The following KIAA1586 variants were observed in gnomAD, a reference collection of about 807,000 sequenced individuals.
KIAA1586 encodes the protein KIAA1586, also known as E3 SUMO-protein ligase KIAA1586.
KIAA1586 carries 5 observed loss-of-function variants against 6.1 expected under a neutral mutation model. The ratio of observed to expected loss-of-function variants is 0.82; its 90% CI spans 0.43 to 1.73. The LOEUF is 1.73. Ranked by LOEUF, KIAA1586 falls within the 40% of genes most tolerant of loss-of-function variation. KIAA1586 has a pLI of 0.02. For synonymous variants in KIAA1586, 280 were observed against 301.7 expected, an observed-to-expected ratio of 0.93 and a Z score of 0.75; for missense variants, 899 against 878.2, an observed-to-expected ratio of 1.02 and a Z score of -0.30.
chr6:57,049,799 A>T (rs1828274520), intron 2 of KIAA1586, among the ~76,000 whole-genome samples: 1 of 152,160 alleles, frequency 6.6e-6, no homozygotes, highest in South Asian at 2.1e-4. Flanking sequence ...TGCCTACAGA[A>T]TAAAATCTAG....
downstream of KIAA1586, among the ~76,000 whole-genome samples, chr6:57,056,056 T>C (rs1479278234): frequency 6.6e-6 from 1 of 152,140 alleles, no homozygotes; most frequent in Non-Finnish European, 1.5e-5. Context: ...GAGATTCTTT[T>C]TTTTTTTCCC....
At chr6:57,063,416 T>A in the KIAA1586 span, among the ~76,000 whole-genome samples, 1 of 151,620 alleles carries the variant, frequency 6.6e-6, no homozygotes, top group Non-Finnish European at 1.5e-5. Flanking sequence ...AACTTTTTTC[T>A]ATGCTGGAAT....
downstream of KIAA1586, among the ~76,000 whole-genome samples, chr6:57,056,779 C>T (rs182053820): frequency 2.6e-5 from 4 of 151,938 alleles, no homozygotes; most frequent in African/African-American, 9.7e-5. Flanking sequence ...CTCAAACAGC[C>T]TTCCTGCCTT....
intron 3 of KIAA1586, among the ~76,000 whole-genome samples, chr6:57,052,286 A>G (rs1828348690): frequency 1.3e-5 from 2 of 152,236 alleles, no homozygotes; most frequent in Admixed American, 1.3e-4. Context: ...TAGGTATTAA[A>G]AATAATCTAG....
downstream of KIAA1586, among the ~76,000 whole-genome samples, chr6:57,058,110 ATC>A (rs1828522986): frequency 6.6e-6 from 1 of 151,946 alleles, no homozygotes; most frequent in Non-Finnish European, 1.5e-5. Context: ...AGCTTTTAAA[ATC>A]TCTGCGTGTG....
rs779662846 is a variant in KIAA1586, at chr6:57,053,326, A to G, written c.827A>G (p.Asn276Ser). ...GGGGCAAGAGAATTACAGGAAAAAA[A>G]TGGAGAGGTAAATTGTTTAAATACA... ...IEGARELQEKNGEVNCLNTRY... is the reference protein window; with the variant it reads ...IEGARELQEKSGEVNCLNTRY... Residue 276 changes from asparagine to serine, a missense_variant, in exon 4 of 4, where the codon AAT (asparagine) becomes AGT (serine). Transcript: ENST00000370733. 2 of 1,612,392 alleles carry G rather than the reference A, an allele frequency of 1.2e-6. No individual in the cohort carries two copies. The highest frequency in any genetic ancestry group is 4.5e-5 in the East Asian group (2 of 44,850).
chr6:57,055,416 ACT>A (rs1195270242), downstream of KIAA1586, among the ~76,000 whole-genome samples: 1 of 151,776 alleles, frequency 6.6e-6, no homozygotes, highest in Non-Finnish European at 1.5e-5. Flanking sequence ...AATACATTTT[ACT>A]CTGTTACCTT....
chr6:57,050,706 G>T (rs900969734), intron 2 of KIAA1586, 68 bp from the exon 3 acceptor site: 101 of 1,106,938 alleles, frequency 9.1e-5, no homozygotes, highest in Non-Finnish European at 1.3e-4. Context: ...ATCTCCCACT[G>T]ATTGTTAAAT....
the KIAA1586 span, among the ~76,000 whole-genome samples, chr6:57,060,430 T>G: frequency 2.0e-4 from 30 of 152,206 alleles, no homozygotes; most frequent in African/African-American, 7.2e-4. Flanking sequence ...TGTTGGGATG[T>G]GAGCTTTTAC....
chr6:57,060,392 C>T, the KIAA1586 span, among the ~76,000 whole-genome samples: 1 of 152,154 alleles, frequency 6.6e-6, no homozygotes, highest in African/African-American at 2.4e-5. Flanking sequence ...AGAACTGTGT[C>T]AGCATGGCCA....
chr6:57,053,540 A>G lies in KIAA1586; in HGVS notation c.1041A>G (p.Leu347=), dbSNP rs1485637830. The G allele has an allele frequency of 1.2e-6, 2 of 1,613,364 alleles. No individual in the cohort carries two copies. Among genetic ancestry groups the G allele is most frequent in the East Asian group, 2.2e-5 (1 of 44,838 alleles). Residue 347 remains leucine, a synonymous_variant, in exon 4 of 4, where the codon TTA becomes TTG. Coordinates refer to ENST00000370733, the MANE Select transcript of KIAA1586 (RefSeq NM_020931.4). ...TIQSAPAPVM[L]FVALKELVST... is the part of the protein sequence containing the mutation. ...AGTCAGCTCCTGCACCTGTTATGTT[A>G]TTTGTGGCTTTAAAAGAATTGGTGT... is the stretch of plus-strand genomic sequence containing the variant.
chr6:57,056,994 C>T (rs963622427), downstream of KIAA1586, among the ~76,000 whole-genome samples: 9 of 151,874 alleles, frequency 5.9e-5, no homozygotes, highest in East Asian at 5.8e-4. Flanking sequence ...TTTGGGAGGC[C>T]GAGGCAGGTG....
At chr6:57,048,178 A>G (rs1593046358) in intron 2 of KIAA1586, among the ~76,000 whole-genome samples, 2 of 151,978 alleles carry the variant, frequency 1.3e-5, no homozygotes, top group Non-Finnish European at 2.9e-5. Context: ...GGCTTTGCGT[A>G]AAGTGGTATC....
chr6:57,049,555 A>C (rs1405471621), intron 2 of KIAA1586, among the ~76,000 whole-genome samples: 1 of 152,190 alleles, frequency 6.6e-6, no homozygotes, highest in African/African-American at 2.4e-5. Flanking sequence ...GAAAGGAATG[A>C]TAAAAGATTT....
chr6:57,059,645 G>A (rs1295272904), downstream of KIAA1586, among the ~76,000 whole-genome samples: 1 of 151,548 alleles, frequency 6.6e-6, no homozygotes, highest in Non-Finnish European at 1.5e-5. Flanking sequence ...GTATTAGACG[G>A]CACTACCCTA....
downstream of KIAA1586, among the ~76,000 whole-genome samples, chr6:57,058,283 A>G (rs1200662292): frequency 6.6e-6 from 1 of 152,198 alleles, no homozygotes; most frequent in Non-Finnish European, 1.5e-5. Flanking sequence ...ATGGTTTGAA[A>G]ATATTTATGC....
intron 2 of KIAA1586, among the ~76,000 whole-genome samples, chr6:57,050,146 T>C (rs1168221887): frequency 6.6e-6 from 1 of 151,948 alleles, no homozygotes; most frequent in Non-Finnish European, 1.5e-5. Flanking sequence ...AATCTGTATC[T>C]TTTTAAATCA....
chr6:57,063,512 G>A, the KIAA1586 span, among the ~76,000 whole-genome samples: 26 of 124,832 alleles, frequency 2.1e-4, no homozygotes, highest in Non-Finnish European at 1.6e-5. Context: ...GGAGTGCAGT[G>A]GCACAATCTC....
chr6:57,063,055 CA>C, the KIAA1586 span, among the ~76,000 whole-genome samples: 45 of 135,216 alleles, frequency 3.3e-4, no homozygotes, highest in Non-Finnish European at 3.7e-4. Context: ...ACTCTGTCTC[CA>C]AAAAAAAAAA....
Sources: gnomAD v4.1 joint callset for allele counts (sites outside exome capture counted in the v4.1 genomes callset) on GRCh38, gnomAD v4.1.1 for gene constraint, MANE v1.5 for transcripts, NCBI Gene and HGNC (gene_info 2026-07-23, HGNC 2026-07-21) for gene names.